Variants in LIG1 observed in about 807,000 individuals in gnomAD.
The protein encoded by LIG1 is ligase I, DNA, ATP-dependent.
LIG1 carries 70 observed loss-of-function variants against 115.7 expected under a neutral mutation model. That is an observed-to-expected ratio of 0.60 (90% CI 0.50 to 0.74). LIG1 has a LOEUF of 0.74. LIG1 is among the 30% of genes least tolerant of loss of function. LIG1 has a pLI of 0.00. For missense variants in LIG1, 1,115 were observed against 1,225.6 expected, an observed-to-expected ratio of 0.91 and a Z score of 1.35; for synonymous variants, 487 against 495.3, an observed-to-expected ratio of 0.98 and a Z score of 0.22.
At chr19:48,132,929 C>CT in intron 18 of LIG1, 53 bp downstream of exon 18, 1 of 1,349,700 alleles carries the variant, frequency 7.4e-7, no homozygotes, top group Non-Finnish European at 1.1e-6. Flanking sequence ...CCCCACACCC[C>CT]TGCTCTTTGA....
chr19:48,139,564 C>T (rs2034604836), intron 12 of LIG1, among the ~76,000 whole-genome samples: 1 of 152,188 alleles, frequency 6.6e-6, no homozygotes, highest in Non-Finnish European at 1.5e-5. Flanking sequence ...GCACTGGCGG[C>T]TGGGCCCCTT....
intron 19 of LIG1, among the ~76,000 whole-genome samples, chr19:48,130,033 G>A (rs1036741650): frequency 6.6e-6 from 1 of 152,260 alleles, no homozygotes. Context: ...TGGGATTACA[G>A]GCGTGGGCCA....
chr19:48,140,569 A>G (rs144652559), intron 11 of LIG1, among the ~76,000 whole-genome samples: 52 of 152,304 alleles, frequency 3.4e-4, no homozygotes, highest in African/African-American at 1.2e-3. Context: ...AATTAGCTAC[A>G]AGATTAGAAA....
chr19:48,135,754 A>G lies in LIG1; in HGVS notation c.1449T>C (p.Ala483=), dbSNP rs1164202121. The G allele has an allele frequency of 1.9e-6, 3 of 1,613,832 alleles. No individual in the cohort carries two copies. The highest frequency in any genetic ancestry group is 2.5e-6 in the Non-Finnish European group (3 of 1,179,942). ...TGGCCTCTGCTGTCTTGCCCTTCCCAGCATCCACCATGGCTGGTGGGAATT... is the reference window on the plus strand; with the variant it reads ...TGGCCTCTGCTGTCTTGCCCTTCCCGGCATCCACCATGGCTGGTGGGAATT... The part of the protein sequence containing the change: ...GQEFPPAMVD[A]GKGKTAEARK... The change falls in exon 16 of 28, where the codon GCT becomes GCC. Residue 483 remains alanine (A), a synonymous_variant. Transcript: ENST00000263274.
chr19:48,154,376 C>T, intron 5 of LIG1: 1 of 284,970 alleles, frequency 3.5e-6, no homozygotes. Context: ...TAAACTAGCC[C>T]CAGGAGAGGC....
intron 2 of LIG1, among the ~76,000 whole-genome samples, chr19:48,163,373 C>A (rs2036297765): frequency 6.6e-6 from 1 of 152,070 alleles, no homozygotes. Flanking sequence ...AGGTGGCCGC[C>A]ACCACGCCCG....
intron 11 of LIG1, among the ~76,000 whole-genome samples, chr19:48,141,981 C>T (rs1219272006): frequency 2.0e-5 from 3 of 152,104 alleles, no homozygotes; most frequent in Non-Finnish European, 4.4e-5. Flanking sequence ...TGAAGGTAGG[C>T]TCTGAATCCA....
chr19:48,125,770 A>AG (rs2033623809), intron 21 of LIG1, among the ~76,000 whole-genome samples: 1 of 151,660 alleles, frequency 6.6e-6, no homozygotes, highest in South Asian at 2.1e-4. Flanking sequence ...TGGGCAGATC[A>AG]CGATGTCAGG....
rs564476088 is a variant in LIG1 at position 48,151,258 on chromosome 19, G to T, written c.548C>A (p.Thr183Lys). ...KEGEDGDQPTTPPKPLKTSKA... is the reference protein window; with the variant it reads ...KEGEDGDQPTKPPKPLKTSKA... ...GGAGGTCTTTAGGGGCTTGGGAGGC[G>T]TGGTGGGCTGGTCCCCGTCTTCTCC... The change falls in exon 7 of 28, where the codon ACG (threonine) becomes AAG (lysine). Residue 183 changes from threonine (T) to lysine (K), a missense_variant. Coordinates refer to ENST00000263274, the MANE Select transcript of LIG1 (RefSeq NM_000234.3). 1 of 1,613,566 alleles carries T rather than the reference G, an allele frequency of 6.2e-7. No homozygotes were observed. Among genetic ancestry groups the T allele is most frequent in the Admixed American group, 1.7e-5 (1 of 59,996 alleles).
chr19:48,163,075 C>G (rs576465174), intron 2 of LIG1, among the ~76,000 whole-genome samples: 1 of 151,798 alleles, frequency 6.6e-6, no homozygotes, highest in Non-Finnish European at 1.5e-5. Context: ...CCACAACGCC[C>G]AGCTAATTTT....
chr19:48,121,098 C>T, intron 24 of LIG1, 72 bp downstream of exon 24: 1 of 1,612,294 alleles, frequency 6.2e-7, no homozygotes, highest in Non-Finnish European at 8.5e-7. Flanking sequence ...CTGGGTTGTG[C>T]AATAGGAAAT....
intron 9 of LIG1, among the ~76,000 whole-genome samples, chr19:48,149,027 A>G (rs2035308767): frequency 6.6e-6 from 1 of 152,208 alleles, no homozygotes; most frequent in African/African-American, 2.4e-5. Flanking sequence ...TGGTGAGTTC[A>G]GGCCAGGTGT....
rs911391922 is a variant in LIG1 at position 48,150,001 on chromosome 19, T to C, written c.697+87A>G. 2.5e-6 allele frequency: 4 copies of C among 1,603,986 alleles called. No individual in the cohort carries two copies. The African/African-American group carries it at 5.4e-5, about 21-fold the overall frequency. On this transcript the variant is annotated intron_variant, in intron 8 of 27. Coordinates refer to ENST00000263274, the MANE Select transcript of LIG1 (RefSeq NM_000234.3). ...AACCAGCAGGAAAGGAAGAAGGGTCTTCGCAGCATCTCAGGCCTCTGGAGA... is the reference window on the plus strand; with the variant it reads ...AACCAGCAGGAAAGGAAGAAGGGTCCTCGCAGCATCTCAGGCCTCTGGAGA...
intron 25 of LIG1, 68 bp downstream of exon 25, chr19:48,119,069 G>A (rs1375460411): frequency 3.9e-6 from 5 of 1,290,600 alleles, no homozygotes; most frequent in Non-Finnish European, 5.5e-6. Flanking sequence ...AGCCCTGCAT[G>A]GAAGGACTGT....
In LIG1 at chr19:48,137,122, A is replaced by C. The variant is rs1441101391; in HGVS notation, c.1255-38T>G. On this transcript the variant is annotated intron_variant, in intron 13 of 27. Coordinates refer to ENST00000263274, the MANE Select transcript of LIG1 (RefSeq NM_000234.3). This position sits in a 1 kb window ranked among gnomAD's most constrained non-coding sequence, Gnocchi z 4.3. ...GGGAAGAGCCGTCAGTGCCTGGTGA[A>C]GGCAGGGACCACACCTCCACCCCAC... 2.0e-6 allele frequency: 3 copies of C among 1,537,442 alleles called. No individual in the cohort carries two copies. Among genetic ancestry groups the C allele is most frequent in the Non-Finnish European group, 2.7e-6 (3 of 1,115,524 alleles).
At chr19:48,129,015 C>T (rs536025041) in intron 19 of LIG1, among the ~76,000 whole-genome samples, 38 of 152,006 alleles carry the variant, frequency 2.5e-4, no homozygotes, top group African/African-American at 8.5e-4. Context: ...CTGCTTTGGC[C>T]TCCCAAAGTG....
At chr19:48,133,879 C>T (rs901215860) in intron 17 of LIG1, 102 bp downstream of exon 17, 24 of 914,302 alleles carry the variant, frequency 2.6e-5, no homozygotes, top group Middle Eastern at 2.9e-4. Flanking sequence ...GGGGAGAGGA[C>T]TCTGCAAGTT....
At chr19:48,128,630 A>G (rs1346451359) in intron 19 of LIG1, among the ~76,000 whole-genome samples, 1 of 152,162 alleles carries the variant, frequency 6.6e-6, no homozygotes, top group Non-Finnish European at 1.5e-5. Context: ...CGTTCCCTCT[A>G]GAACCCCTGC....
At chr19:48,135,560 C>A (rs370677948) in intron 16 of LIG1, 120 bp downstream of exon 16, 165 of 822,318 alleles carry the variant, frequency 2.0e-4, no homozygotes, top group Non-Finnish European at 3.1e-4. Flanking sequence ...ACCCCGTGAC[C>A]GGCACTCGTG....
Sources: allele counts gnomAD v4.1 joint callset (sites outside exome capture counted in the v4.1 genomes callset), GRCh38; gene constraint gnomAD v4.1.1; non-coding constraint Gnocchi (gnomAD v3.1); transcripts MANE v1.5; gene names NCBI Gene and HGNC (gene_info 2026-07-23, HGNC 2026-07-21).